AP1G1: variants seen among roughly 807,000 people sequenced by gnomAD.
The protein encoded by AP1G1 is AP-1 complex subunit gamma-1.
Under a neutral mutation model 108.3 loss-of-function variants are expected in AP1G1, and 7 were observed. The ratio of observed to expected loss-of-function variants is 0.06; its 90% CI spans 0.04 to 0.12. AP1G1 has a LOEUF of 0.12. Ranked by LOEUF, AP1G1 falls within the 10% of genes least tolerant of loss-of-function variation. The pLI is 1.00. For missense variants in AP1G1, 756 were observed against 1,010.7 expected (o/e 0.75, Z 3.42); for synonymous variants, 379 against 353.5 (o/e 1.07, Z -0.81).
intron 19 of AP1G1, among the ~76,000 whole-genome samples, chr16:71,741,661 G>A (rs1017653355): frequency 1.3e-5 from 2 of 152,160 alleles, no homozygotes; most frequent in Non-Finnish European, 2.9e-5. Flanking sequence ...AGCACGAGAA[G>A]CTAAAATAAA....
At chr16:71,807,823 T>A (rs1046262238) in intron 1 of AP1G1, 2 of 1,289,208 alleles carry the variant, frequency 1.6e-6, no homozygotes, top group African/African-American at 3.0e-5. Context: ...TTTTTCTCCA[T>A]GGACAGATTT....
At chr16:71,762,862 A>G (rs2031153471) in intron 9 of AP1G1, among the ~76,000 whole-genome samples, 1 of 152,228 alleles carries the variant, frequency 6.6e-6, no homozygotes, top group African/African-American at 2.4e-5. Flanking sequence ...CTGGTTAGTC[A>G]GAAGCACAGG....
intron 2 of AP1G1, among the ~76,000 whole-genome samples, chr16:71,781,932 A>G (rs2032034398): frequency 6.6e-6 from 1 of 152,198 alleles, no homozygotes; most frequent in Non-Finnish European, 1.5e-5. Context: ...ACTTAGAGCC[A>G]GTGGTATGAA....
At chr16:71,742,711 T>G (rs1367616160) in intron 19 of AP1G1, 1 of 152,230 alleles carries the variant, frequency 6.6e-6, no homozygotes, top group African/African-American at 2.4e-5. Context: ...GACTCATGCC[T>G]GTAATCCCAG....
chr16:71,752,174 A>T (rs1349871137), intron 13 of AP1G1, among the ~76,000 whole-genome samples: 2 of 152,168 alleles, frequency 1.3e-5, no homozygotes, highest in African/African-American at 4.8e-5. Flanking sequence ...AGAAAAATAA[A>T]ATCAGGGGCA....
chr16:71,758,663 T>A, intron 11 of AP1G1, 145 bp downstream of exon 11: 2 of 621,876 alleles, frequency 3.2e-6, no homozygotes, highest in Non-Finnish European at 5.8e-6. Flanking sequence ...GCAGAGTCCA[T>A]CTGTGAACAC....
At chr16:71,787,443 A>G (rs1384034182) in intron 2 of AP1G1, among the ~76,000 whole-genome samples, 4 of 152,114 alleles carry the variant, frequency 2.6e-5, no homozygotes, top group African/African-American at 9.7e-5. Context: ...GTGAGCCATC[A>G]CAGAGCCACA....
intron 3 of AP1G1, among the ~76,000 whole-genome samples, chr16:71,774,117 C>G (rs917458773): frequency 4.8e-5 from 7 of 144,890 alleles, no homozygotes; most frequent in Non-Finnish European, 1.1e-4. Flanking sequence ...GTGGCTCAAG[C>G]CTGTAACCCT....
At chr16:71,803,149 G>A (rs1265837615) in intron 1 of AP1G1, among the ~76,000 whole-genome samples, 1 of 151,924 alleles carries the variant, frequency 6.6e-6, no homozygotes, top group Admixed American at 6.6e-5. Flanking sequence ...AGGAGGTAGA[G>A]GCTGTAGTAA....
intron 1 of AP1G1, among the ~76,000 whole-genome samples, chr16:71,798,937 C>T (rs1216088393): frequency 6.6e-6 from 1 of 150,488 alleles, no homozygotes; most frequent in Non-Finnish European, 1.5e-5. Flanking sequence ...ATACACGTGC[C>T]ATATAACAAA....
chr16:71,753,992 C>G, intron 12 of AP1G1, 105 bp from the exon 13 acceptor site: 2 of 1,070,974 alleles, frequency 1.9e-6, no homozygotes, highest in Non-Finnish European at 2.8e-6. Flanking sequence ...GTCATCCCAA[C>G]ATCTTGGGAG....
intron 1 of AP1G1, among the ~76,000 whole-genome samples, chr16:71,794,422 A>G (rs899073219): frequency 6.6e-6 from 1 of 152,224 alleles, no homozygotes; most frequent in African/African-American, 2.4e-5. Context: ...TCTTAAAACA[A>G]GGATGGAAAG....
At chr16:71,734,816 C>T in intron 21 of AP1G1, 109 bp from the exon 22 acceptor site, 1 of 850,806 alleles carries the variant, frequency 1.2e-6, no homozygotes, top group South Asian at 1.5e-5. Context: ...ACAGATTTCA[C>T]TACTACTAAG....
At chr16:71,747,199 C>T (rs11859903) in intron 16 of AP1G1, 12,721 of 152,236 alleles carry the variant, frequency 0.084, 563 homozygotes, top group Middle Eastern at 0.11. Context: ...ACTACAAGAA[C>T]TACGTTGGCC....
At chr16:71,781,722 T>C (rs2032025275) in intron 2 of AP1G1, among the ~76,000 whole-genome samples, 1 of 152,204 alleles carries the variant, frequency 6.6e-6, no homozygotes, top group African/African-American at 2.4e-5. Flanking sequence ...GAATATAAAC[T>C]TACCTATTAT....
At chr16:71,736,781 G>C (rs1037693395) in intron 21 of AP1G1, among the ~76,000 whole-genome samples, 5 of 143,008 alleles carry the variant, frequency 3.5e-5, no homozygotes, top group African/African-American at 1.3e-4. Context: ...TTTTAGTAGA[G>C]ACGGGGTTTC....
intron 6 of AP1G1, chr16:71,766,528 T>C (rs1323123749): frequency 7.0e-6 from 3 of 428,490 alleles, no homozygotes; most frequent in African/African-American, 6.2e-5. Flanking sequence ...AACTCAATTT[T>C]TAGCTATATA....
chr16:71,772,637 G>C (rs1386528794), intron 4 of AP1G1, among the ~76,000 whole-genome samples: 2 of 152,158 alleles, frequency 1.3e-5, no homozygotes, highest in East Asian at 3.8e-4. Context: ...CATTAATAGA[G>C]AGGCACAGTA....
At chr16:71,753,211 T>TA (rs2030600631) in intron 13 of AP1G1, among the ~76,000 whole-genome samples, 1 of 152,188 alleles carries the variant, frequency 6.6e-6, no homozygotes, top group Non-Finnish European at 1.5e-5. Context: ...AATTGAATAA[T>TA]AAACACAGAA....
Sources: allele counts gnomAD v4.1 joint callset (sites outside exome capture counted in the v4.1 genomes callset), GRCh38; gene constraint gnomAD v4.1.1; transcripts MANE v1.5; gene names NCBI Gene and HGNC (gene_info 2026-07-23, HGNC 2026-07-21).